The following TRAPPC2 variants were observed in gnomAD, a reference collection of about 807,000 sequenced individuals.
The protein encoded by TRAPPC2 is sedlin.
TRAPPC2 carries 4 observed loss-of-function variants against 10.0 expected under a neutral mutation model. The ratio of observed to expected loss-of-function variants is 0.40; its 90% CI spans 0.20 to 0.92. The LOEUF (loss-of-function observed/expected upper bound fraction) is 0.92. Ranked by LOEUF, TRAPPC2 falls within the 40% of genes least tolerant of loss-of-function variation. The probability of loss-of-function intolerance (pLI) is 0.35; values close to 1 mark genes in which losing one functional copy is unlikely to be tolerated. For missense variants in TRAPPC2, 52 were observed against 108.7 expected, an observed-to-expected ratio of 0.48 and a Z score of 2.32; for synonymous variants, 36 against 37.3, an observed-to-expected ratio of 0.97 and a Z score of 0.12.
At chrX:13,722,199 A>AGGC (rs2046423346) in intron 2 of TRAPPC2, 1 of 51,476 alleles carries the variant, frequency 1.9e-5, no homozygotes, top group East Asian at 6.0e-4. Flanking sequence ...CAGTACATTT[A>AGGC]AGCAGCAGCA....
In TRAPPC2 at chrX:13,722,208, C is replaced by CCAAAAAAAAAAAAAAAAAAAAAAAAAAA. The variant is rs1555898002; in HGVS notation, c.-19-2227_-19-2226insTTTTTTTTTTTTTTTTTTTTTTTTTTTG. 2 of 36,116 alleles carry CCAAAAAAAAAAAAAAAAAAAAAAAAAAA rather than the reference C, an allele frequency of 5.5e-5. 1 individual carries two copies. The highest frequency in any genetic ancestry group is 2.4e-4 in the African/African-American group (2 of 8,356). 3.0% of individuals were successfully genotyped at this position (36,116 alleles called of 1,213,427 possible). A position where few individuals can be genotyped will look rare whatever the true frequency, so the allele number is the denominator to read the frequency against. On this transcript the variant is annotated intron_variant, in intron 2 of 5. Coordinates refer to ENST00000380579, the MANE Select transcript of TRAPPC2 (RefSeq NM_001011658.4). ...TTTCTTCAGTACATTTAAGCAGCAG[C>CCAAAAAAAAAAAAAAAAAAAAAAAAAAA]AAAAAAAAAAAAAAAAAAAAAAAAA...
chrX:13,731,371 A>T (rs1360633645), intron 2 of TRAPPC2, among the ~76,000 whole-genome samples: 3 of 112,267 alleles, frequency 2.7e-5, no homozygotes, highest in Admixed American at 9.4e-5. Context: ...TTATACATTA[A>T]CTCATTTAAT....
intron 2 of TRAPPC2, 105 bp downstream of exon 2, chrX:13,733,939 T>TC (rs2046742938): frequency 2.0e-6 from 1 of 499,743 alleles, no homozygotes; most frequent in Non-Finnish European, 3.6e-6. Flanking sequence ...CAATGTATCT[T>TC]AGTTCTTGTT....
At chrX:13,720,130 C>T (rs751534747) in intron 2 of TRAPPC2, 148 bp from the exon 3 acceptor site, 1 of 344,669 alleles carries the variant, frequency 2.9e-6, no homozygotes, top group Admixed American at 5.4e-5. Flanking sequence ...AGTATACTAG[C>T]GAAGATACGT....
At chrX:13,722,368 A>G in intron 2 of TRAPPC2, 1 of 111,013 alleles carries the variant, frequency 9.0e-6, no homozygotes, top group Middle Eastern at 4.6e-3. Flanking sequence ...GAAGACAGAA[A>G]GGGAACTCAA....
intron 3 of TRAPPC2, among the ~76,000 whole-genome samples, chrX:13,719,198 G>A (rs1225521130): frequency 9.2e-6 from 1 of 108,870 alleles, no homozygotes; most frequent in African/African-American, 3.4e-5. Context: ...TTTATTTTAA[G>A]CATTTGGGAT....
rs2046254412 is a variant in TRAPPC2 at position 13,714,156 on chromosome X, A to AG, written c.*250_*251insC. On this transcript the variant is annotated 3_prime_UTR_variant, in exon 6 of 6. Coordinates refer to ENST00000380579, the MANE Select transcript of TRAPPC2 (RefSeq NM_001011658.4). ...GACTCTGTATCAGAAAAAAAAAAAA[A>AG]AAAAAAACATGATTATTGATAATGA... is the stretch of plus-strand genomic sequence containing the variant. 1 of 184,304 alleles carries AG rather than the reference A, an allele frequency of 5.4e-6. No homozygotes were observed. Among genetic ancestry groups the AG allele is most frequent in the Admixed American group, 8.0e-5 (1 of 12,531 alleles). 15.2% of individuals were successfully genotyped at this position (184,304 alleles called of 1,213,427 possible). A position where few individuals can be genotyped will look rare whatever the true frequency, so the allele number is the denominator to read the frequency against.
Position 13,723,636 on chromosome X carries a change from C to T in TRAPPC2, c.-19-3654G>A, listed in dbSNP as rs542330315. Among the ~76,000 whole-genome samples the T allele has an allele frequency of 1.2e-4, 13 of 111,953 alleles. No homozygotes were observed. In the South Asian group the frequency reaches 4.4e-3, roughly 38 times the overall value. Reference sequence around the variant, plus strand: ...TGTATGGTCTGCTCGATTTTCCCATCGCCTTAAATAGGGGCCTTTGAAGCA... The same window carrying T: ...TGTATGGTCTGCTCGATTTTCCCATTGCCTTAAATAGGGGCCTTTGAAGCA... On this transcript the variant is annotated intron_variant, in intron 2 of 5. Transcript: ENST00000380579.
At chrX:13,726,291 C>T (rs966630202) in intron 2 of TRAPPC2, among the ~76,000 whole-genome samples, 3 of 111,046 alleles carry the variant, frequency 2.7e-5, no homozygotes, top group Non-Finnish European at 5.7e-5. Context: ...AAGAGGAACC[C>T]CAAGACACGT....
intron 5 of TRAPPC2, 154 bp downstream of exon 5, chrX:13,715,849 TA>T (rs1338186767): frequency 1.0e-6 from 1 of 987,400 alleles, no homozygotes; most frequent in Non-Finnish European, 1.3e-6. Flanking sequence ...TGTGAAGACT[TA>T]CCTGCGGAGG....
intron 2 of TRAPPC2, among the ~76,000 whole-genome samples, chrX:13,724,504 G>T (rs2146834416): frequency 9.0e-6 from 1 of 111,190 alleles, no homozygotes; most frequent in African/African-American, 3.3e-5. Flanking sequence ...AATAATGGTG[G>T]ATGCTGACCT....
chrX:13,731,853 A>G (rs1407351387), intron 2 of TRAPPC2, among the ~76,000 whole-genome samples: 2 of 112,337 alleles, frequency 1.8e-5, no homozygotes, highest in East Asian at 2.8e-4. Flanking sequence ...ACATTCAAAG[A>G]TAACACCAAG....
intron 2 of TRAPPC2, 127 bp downstream of exon 2, chrX:13,733,917 T>C (rs919747396): frequency 5.4e-5 from 25 of 462,634 alleles, no homozygotes; most frequent in Non-Finnish European, 8.5e-5. Flanking sequence ...TTTAAACTCT[T>C]TATCCAGTCT....
At chrX:13,716,139 A>G (rs780139719) in intron 4 of TRAPPC2, 50 bp from the exon 5 acceptor site, 3 of 1,115,603 alleles carry the variant, frequency 2.7e-6, no homozygotes, top group East Asian at 6.3e-5. Flanking sequence ...ACAAAAAGCA[A>G]CCAGTTCGTT....
At chrX:13,722,248 C>T (rs1272829885) in intron 2 of TRAPPC2, 1 of 69,148 alleles carries the variant, frequency 1.4e-5, no homozygotes, top group Non-Finnish European at 3.0e-5. Context: ...AAAGCAGCAG[C>T]AGAAGGAAAT....
rs376293767 is a variant in TRAPPC2 at position 13,728,340 on chromosome X, G to A, written c.-20+5704C>T. On this transcript the variant is annotated intron_variant, in intron 2 of 5. Coordinates refer to ENST00000380579, the MANE Select transcript of TRAPPC2 (RefSeq NM_001011658.4). ...CAATATCCCCGATGAACATTGATGC[G>A]AAAATCCTCAATAAAATACTGGCAA... Among the ~76,000 whole-genome samples, 17 of 111,738 alleles carry A rather than the reference G, an allele frequency of 1.5e-4. No homozygotes were observed. The East Asian group carries it at 1.9e-3, about 13-fold the overall frequency.
Position 13,722,027 on chromosome X carries a change from T to TA in TRAPPC2, c.-19-2046dup, listed in dbSNP as rs781220762. 10 of 108,543 alleles carry TA rather than the reference T, an allele frequency of 9.2e-5. No homozygotes were observed. In the East Asian group the frequency reaches 2.8e-3, roughly 31 times the overall value. 8.9% of individuals were successfully genotyped at this position (108,543 alleles called of 1,213,427 possible). Reference sequence around the variant, plus strand: ...GGATAACAAAGACGAGCTGGAATGATAAAAAAGCTATGCAAAACTAGAAGA... The same window carrying TA: ...GGATAACAAAGACGAGCTGGAATGATAAAAAAAGCTATGCAAAACTAGAAGA... On this transcript the variant is annotated intron_variant, in intron 2 of 5. Transcript: ENST00000380579.
At chrX:13,725,037 CTG>C (rs1217327681) in intron 2 of TRAPPC2, among the ~76,000 whole-genome samples, 1 of 113,202 alleles carries the variant, frequency 8.8e-6, no homozygotes, top group Non-Finnish European at 1.9e-5. Context: ...AGGCAGCAGC[CTG>C]GCTGGGGGAG....
At chrX:13,716,167 A>G in intron 4 of TRAPPC2, 78 bp from the exon 5 acceptor site, 3 of 1,008,586 alleles carry the variant, frequency 3.0e-6, no homozygotes, top group Non-Finnish European at 4.0e-6. Context: ...TATTCTTCAA[A>G]TTAGTCACAT....
Sources: gnomAD v4.1 joint callset for allele counts (sites outside exome capture counted in the v4.1 genomes callset) on GRCh38, gnomAD v4.1.1 for gene constraint, MANE v1.5 for transcripts, NCBI Gene and HGNC (gene_info 2026-07-23, HGNC 2026-07-21) for gene names.